The following SKAP1 variants were observed in gnomAD, a reference collection of about 807,000 sequenced individuals.
SKAP1 encodes src kinase associated phosphoprotein 1, also known as src kinase-associated phosphoprotein 1.
Under a neutral mutation model 58.5 loss-of-function variants are expected in SKAP1, and 44 were observed. That is an observed-to-expected ratio of 0.75 (90% confidence interval 0.59 to 0.97). SKAP1 has a LOEUF of 0.97. Ranked by LOEUF, SKAP1 falls within the 50% of genes least tolerant of loss-of-function variation. The pLI, the probability that SKAP1 is intolerant of heterozygous loss-of-function variation, is 0.00. For missense variants in SKAP1, 390 were observed against 435.2 expected (o/e 0.90, Z 0.92); for synonymous variants, 127 against 149.7 (o/e 0.85, Z 1.11).
At chr17:48,154,133 G>T (rs1276521353) in intron 11 of SKAP1, among the ~76,000 whole-genome samples, 1 of 152,118 alleles carries the variant, frequency 6.6e-6, no homozygotes, top group Non-Finnish European at 1.5e-5. Context: ...GAGAAAACCG[G>T]GTTAAAACTC....
intron 4 of SKAP1, among the ~76,000 whole-genome samples, chr17:48,251,519 G>T (rs1011201724): frequency 4.6e-5 from 7 of 152,166 alleles, no homozygotes; most frequent in Non-Finnish European, 1.0e-4. Flanking sequence ...TTAATACAGA[G>T]AAACTTGGCC....
intron 4 of SKAP1, among the ~76,000 whole-genome samples, chr17:48,323,683 A>G (rs1456158263): frequency 6.6e-6 from 1 of 152,140 alleles, no homozygotes; most frequent in African/African-American, 2.4e-5. Flanking sequence ...AAGAGTGAGA[A>G]CACAAAGTTG....
At chr17:48,363,151 CT>C (rs1406781976) in intron 3 of SKAP1, among the ~76,000 whole-genome samples, 1 of 152,144 alleles carries the variant, frequency 6.6e-6, no homozygotes, top group South Asian at 2.1e-4. Context: ...TGGCCTTTTT[CT>C]TTTTTTAATT....
At chr17:48,305,607 C>T (rs1471154184) in intron 4 of SKAP1, among the ~76,000 whole-genome samples, 1 of 152,174 alleles carries the variant, frequency 6.6e-6, no homozygotes, top group Non-Finnish European at 1.5e-5. Context: ...TTCCTGTTCC[C>T]TGAGTTCCAG....
chr17:48,438,187 T>C, the SKAP1 span, among the ~76,000 whole-genome samples: 959 of 152,312 alleles, frequency 6.3e-3, 10 homozygotes, highest in African/African-American at 0.022. Flanking sequence ...TTATCTTCCA[T>C]ATGCCTCAAT....
At chr17:48,139,958 C>T (rs1451074980) in intron 11 of SKAP1, among the ~76,000 whole-genome samples, 1 of 152,198 alleles carries the variant, frequency 6.6e-6, no homozygotes, top group Admixed American at 6.5e-5. Context: ...GGAGACTGAC[C>T]ATTGCCTGTA....
chr17:48,340,403 GA>G (rs573459702), intron 4 of SKAP1, among the ~76,000 whole-genome samples: 4 of 151,958 alleles, frequency 2.6e-5, no homozygotes, highest in Non-Finnish European at 4.4e-5. Flanking sequence ...ATTGTAATTG[GA>G]GATTTCACAC....
intron 4 of SKAP1, among the ~76,000 whole-genome samples, chr17:48,207,589 A>G (rs1159783451): frequency 1.3e-5 from 2 of 152,052 alleles, no homozygotes; most frequent in Admixed American, 6.6e-5. Flanking sequence ...TAATTTTAAG[A>G]CTCATTTACA....
At chr17:48,194,612 C>A (rs967328562) in intron 4 of SKAP1, among the ~76,000 whole-genome samples, 2 of 152,222 alleles carry the variant, frequency 1.3e-5, no homozygotes, top group African/African-American at 4.8e-5. Flanking sequence ...CCCTGCAGAA[C>A]AAACCAGGTG....
chr17:48,246,629 T>C (rs1416859275), intron 4 of SKAP1, among the ~76,000 whole-genome samples: 1 of 152,192 alleles, frequency 6.6e-6, no homozygotes, highest in Non-Finnish European at 1.5e-5. Context: ...CATGCAGAGA[T>C]TAAGTGATCT....
At chr17:48,272,196 C>T (rs912909538) in intron 4 of SKAP1, among the ~76,000 whole-genome samples, 3 of 150,398 alleles carry the variant, frequency 2.0e-5, no homozygotes, top group Non-Finnish European at 2.9e-5. Flanking sequence ...TGCAGTGGTG[C>T]GATCTCAGCT....
intron 4 of SKAP1, among the ~76,000 whole-genome samples, chr17:48,288,583 G>A (rs1358099166): frequency 1.3e-5 from 2 of 152,110 alleles, no homozygotes; most frequent in Admixed American, 1.3e-4. Context: ...CTACTCGGGA[G>A]GCTGAGGCAG....
intron 4 of SKAP1, among the ~76,000 whole-genome samples, chr17:48,314,039 C>T (rs1013063311): frequency 3.3e-5 from 5 of 152,196 alleles, no homozygotes; most frequent in South Asian, 4.1e-4. Context: ...TGTGAATATT[C>T]GTCTCTAATT....
At chr17:48,405,749 C>T (rs1054170074) in intron 1 of SKAP1, among the ~76,000 whole-genome samples, 6 of 151,794 alleles carry the variant, frequency 4.0e-5, no homozygotes, top group Non-Finnish European at 7.4e-5. Flanking sequence ...CCGTCCGTCT[C>T]GGTTTCCCAA....
At chr17:48,326,797 T>C (rs2066442829) in intron 4 of SKAP1, among the ~76,000 whole-genome samples, 2 of 152,180 alleles carry the variant, frequency 1.3e-5, no homozygotes. Flanking sequence ...ACTGGGAATT[T>C]ATTATAAAGC....
intron 6 of SKAP1, among the ~76,000 whole-genome samples, chr17:48,186,452 G>GTTTT (rs1384485501): frequency 6.8e-6 from 1 of 147,394 alleles, no homozygotes; most frequent in East Asian, 2.0e-4. Flanking sequence ...CAAAGCTGCA[G>GTTTT]TTTTTATTTA....
chr17:48,301,752 C>T (rs1374195344), intron 4 of SKAP1, among the ~76,000 whole-genome samples: 2 of 152,170 alleles, frequency 1.3e-5, no homozygotes, highest in East Asian at 1.9e-4. Flanking sequence ...GCTGGGATTA[C>T]AGGCGTGAGC....
At chr17:48,408,600 A>T (rs1477872041) in intron 1 of SKAP1, among the ~76,000 whole-genome samples, 1 of 152,206 alleles carries the variant, frequency 6.6e-6, no homozygotes, top group Non-Finnish European at 1.5e-5. Context: ...TGTAAAGCTT[A>T]TATTGGGAAT....
At chr17:48,387,820 CT>C (rs1246510362) in intron 2 of SKAP1, among the ~76,000 whole-genome samples, 1 of 151,942 alleles carries the variant, frequency 6.6e-6, no homozygotes, top group Admixed American at 6.6e-5. Context: ...ATTACCTTTC[CT>C]TTTTTTAAAA....
Sources: allele counts gnomAD v4.1 joint callset (sites outside exome capture counted in the v4.1 genomes callset), GRCh38; gene constraint gnomAD v4.1.1; transcripts MANE v1.5; gene names NCBI Gene and HGNC (gene_info 2026-07-23, HGNC 2026-07-21).